Variants in KIRREL3 observed in about 807,000 individuals in gnomAD.
KIRREL3 encodes kin of IRRE-like protein 3.
KIRREL3 carries 36 observed loss-of-function variants against 89.7 expected under a neutral mutation model. That is an observed-to-expected ratio of 0.40 (90% confidence interval 0.31 to 0.53). The LOEUF (loss-of-function observed/expected upper bound fraction) is 0.53. Among genes scored for constraint, KIRREL3 ranks in the 20% least tolerant of loss-of-function variants. KIRREL3 has a pLI of 0.49. For synonymous variants in KIRREL3, 445 were observed against 441.4 expected (o/e 1.01, Z -0.10); for missense variants, 864 against 1,056.6 (o/e 0.82, Z 2.53).
In KIRREL3 at chr11:126,474,905, G is replaced by A. The variant is rs1957022381; in HGVS notation, c.434-1439C>T. The stretch of plus-strand genomic sequence containing the variant: ...TTCCCATGCTTGTGCTTGGGGACAC[G>A]TTGAGAGTCTCAGGCCTCTGCTGCT... On this transcript the variant is annotated intron_variant, in intron 4 of 16. Transcript: ENST00000525144. This position sits in a 1 kb window ranked among gnomAD's most constrained non-coding sequence, Gnocchi z 6.7. Among the ~76,000 whole-genome samples, 1 of 152,164 alleles carries A rather than the reference G, an allele frequency of 6.6e-6. No homozygotes were observed. Among genetic ancestry groups the A allele is most frequent in the Admixed American group, 6.5e-5 (1 of 15,290 alleles).
rs988028254 is a variant in KIRREL3 at position 126,742,031 on chromosome 11, C to T, written c.56-179119G>A. On this transcript the variant is annotated intron_variant, in intron 1 of 16. Coordinates refer to ENST00000525144, the MANE Select transcript of KIRREL3 (RefSeq NM_032531.4). The surrounding 1 kb of genome is among the most constrained non-coding windows in gnomAD (Gnocchi z 5.3). The stretch of plus-strand genomic sequence containing the variant: ...GGAGGTTGAATGGAGGACGCTTGTG[C>T]TAAGAAGGGAGAACTATTTAGAACA... 1.3e-5 allele frequency among the ~76,000 whole-genome samples: 2 copies of T among 152,162 alleles called. No individual in the cohort carries two copies. Among genetic ancestry groups the T allele is most frequent in the Non-Finnish European group, 2.9e-5 (2 of 68,036 alleles).
intron 1 of KIRREL3, among the ~76,000 whole-genome samples, chr11:126,975,260 C>G (rs942095426): frequency 2.0e-5 from 3 of 152,184 alleles, no homozygotes; most frequent in Admixed American, 6.5e-5. Flanking sequence ...AGGCTTTCTT[C>G]CAATTCAGCA....
chr11:126,526,678 T>C lies in KIRREL3; in HGVS notation c.143A>G (p.Tyr48Cys). ...GTCCTGGGGCTGCTGGCTGAAGGAA[T>C]AGACTTGGCCTGGGAAGGAGACAAA... ...KFRRMNEGQVYSFSQQPQDQV... is the reference protein window; with the variant it reads ...KFRRMNEGQVCSFSQQPQDQV... Residue 48 changes from tyrosine (Y) to cysteine (C), a missense_variant, in exon 3 of 17, where the codon TAT becomes TGT. Physicochemically the swap from Tyr to Cys is radical, Grantham distance 194. Coordinates refer to ENST00000525144, the MANE Select transcript of KIRREL3 (RefSeq NM_032531.4). The surrounding 1 kb of genome is among the most constrained non-coding windows in gnomAD (Gnocchi z 5.7). 1 of 1,564,542 alleles carries C rather than the reference T, an allele frequency of 6.4e-7. No homozygotes were observed. Among genetic ancestry groups the C allele is most frequent in the Non-Finnish European group, 8.7e-7 (1 of 1,154,334 alleles).
At position 126,521,481 on chromosome 11, in the gene KIRREL3, C is replaced by A. The variant is rs746491712; in HGVS notation, c.284-17G>T. The A allele has an allele frequency of 6.4e-7, 1 of 1,574,726 alleles. No homozygotes were observed. Among genetic ancestry groups the A allele is most frequent in the Non-Finnish European group, 8.6e-7 (1 of 1,160,420 alleles). ...GTGGGTAACCTGTGGAGACAACAGG[C>A]AGGTCAGGGAGCTGGGGTGGGGTGG... On this transcript the variant is annotated splice_polypyrimidine_tract_variant and intron_variant, in intron 3 of 16. Transcript: ENST00000525144. The surrounding 1 kb of genome is among the most constrained non-coding windows in gnomAD (Gnocchi z 4.1).
intron 7 of KIRREL3, among the ~76,000 whole-genome samples, chr11:126,451,618 A>G (rs1415510900): frequency 7.4e-6 from 1 of 135,648 alleles, no homozygotes. Flanking sequence ...GCATGTGTGC[A>G]TGTGTGTCCA....
At chr11:126,442,313 A>AACACACACACAC (rs71984147) in intron 10 of KIRREL3, among the ~76,000 whole-genome samples, 2 of 136,550 alleles carry the variant, frequency 1.5e-5, no homozygotes, top group Admixed American at 7.7e-5. Context: ...AGACACACAA[A>AACACACACACAC]ACACACACAC....
rs561158613 is a variant in KIRREL3, at chr11:126,805,303, C to A, written c.55+195152G>T. Among the ~76,000 whole-genome samples the A allele has an allele frequency of 1.3e-5, 2 of 152,246 alleles. No homozygotes were observed. The highest frequency in any genetic ancestry group is 2.1e-4 in the South Asian group (1 of 4,814). On this transcript the variant is annotated intron_variant, in intron 1 of 16. Transcript: ENST00000525144. This position sits in a 1 kb window ranked among gnomAD's most constrained non-coding sequence, Gnocchi z 4.3. ...ATACTGAAGGTCAGGAGAAGGGCTG[C>A]CATTCATCAGTCAGCATTGATATGG...
chr11:126,498,178 C>G lies in KIRREL3; in HGVS notation c.433+23137G>C, dbSNP rs1189232354. 6.6e-6 allele frequency among the ~76,000 whole-genome samples: 1 copy of G among 152,176 alleles called. No individual in the cohort carries two copies. Among genetic ancestry groups the G allele is most frequent in the Admixed American group, 6.5e-5 (1 of 15,286 alleles). On this transcript the variant is annotated intron_variant, in intron 4 of 16. Transcript: ENST00000525144. This position sits in a 1 kb window ranked among gnomAD's most constrained non-coding sequence, Gnocchi z 4.3. ...TGAAAGGGGGCAGAGTTGGGGTGGC[C>G]ATCAAACCCCTAAAACCCGAGGAGG...
chr11:126,707,435 T>C lies in KIRREL3; in HGVS notation c.56-144523A>G, dbSNP rs546024690. ...ATGTCTAGCTAGTTCCCCATAGCTT[T>C]CATTGATCATTGATTTATCCCCCAC... On this transcript the variant is annotated intron_variant, in intron 1 of 16. Transcript: ENST00000525144. Among the ~76,000 whole-genome samples the C allele has an allele frequency of 7.1e-3, 1,075 of 152,324 alleles. 5 individuals carry two copies. The highest frequency in any genetic ancestry group is 0.012 in the Non-Finnish European group (809 of 68,022).
intron 1 of KIRREL3, among the ~76,000 whole-genome samples, chr11:126,659,337 C>G (rs1945291070): frequency 6.6e-6 from 1 of 152,170 alleles, no homozygotes; most frequent in South Asian, 2.1e-4. Context: ...TCATATTGAA[C>G]ACTTATCATA....
At chr11:126,733,322 G>T (rs553293074) in intron 1 of KIRREL3, among the ~76,000 whole-genome samples, 7 of 152,252 alleles carry the variant, frequency 4.6e-5, no homozygotes, top group Non-Finnish European at 1.5e-5. Flanking sequence ...TCTCCGAATG[G>T]CTTCTCATCC....
intron 1 of KIRREL3, among the ~76,000 whole-genome samples, chr11:126,798,580 T>G (rs1435866335): frequency 6.6e-6 from 1 of 152,234 alleles, no homozygotes; most frequent in Non-Finnish European, 1.5e-5. Flanking sequence ...ACATTTAGCC[T>G]GGAGCTCAGT....
intron 1 of KIRREL3, among the ~76,000 whole-genome samples, chr11:126,923,176 C>CTTCTTCTCCTCT (rs766266024): frequency 5.6e-5 from 1 of 17,988 alleles, no homozygotes; most frequent in African/African-American, 2.3e-4. Flanking sequence ...TCTTCTTCTT[C>CTTCTTCTCCTCT]TCTTCTTCTT....
intron 1 of KIRREL3, among the ~76,000 whole-genome samples, chr11:126,930,375 C>T (rs1947900126): frequency 6.6e-6 from 1 of 152,168 alleles, no homozygotes; most frequent in Non-Finnish European, 1.5e-5. Context: ...TCACCCTTGC[C>T]TGTTGTGCCT....
At position 126,640,871 on chromosome 11, in the gene KIRREL3, A is replaced by C. The variant is rs1400837838; in HGVS notation, c.56-77959T>G. Among the ~76,000 whole-genome samples the C allele has an allele frequency of 6.6e-6, 1 of 151,764 alleles. No homozygotes were observed. The highest frequency in any genetic ancestry group is 1.5e-5 in the Non-Finnish European group (1 of 67,962). On this transcript the variant is annotated intron_variant, in intron 1 of 16. Coordinates refer to ENST00000525144, the MANE Select transcript of KIRREL3 (RefSeq NM_032531.4). This position sits in a 1 kb window ranked among gnomAD's most constrained non-coding sequence, Gnocchi z 4.9. The stretch of plus-strand genomic sequence containing the variant: ...TTGACCTTCATATTGGAGTCCTTGG[A>C]TCTCTTCTCAATCTTATGGCTTTAA...
rs1460899358 is a variant in KIRREL3 at position 126,427,960 on chromosome 11, A to G, written c.1806+1219T>C. Among the ~76,000 whole-genome samples, 2 of 152,162 alleles carry G rather than the reference A, an allele frequency of 1.3e-5. No homozygotes were observed. Among genetic ancestry groups the G allele is most frequent in the South Asian group, 2.1e-4 (1 of 4,830 alleles). ...TGGAATTGACAGGACCTGAAAATCA[A>G]TTGGAGAGAGAAAGCGTAGCCGAGG... is the stretch of plus-strand genomic sequence containing the variant. On this transcript the variant is annotated intron_variant, in intron 15 of 16. Transcript: ENST00000525144. This position sits in a 1 kb window ranked among gnomAD's most constrained non-coding sequence, Gnocchi z 5.3.
intron 1 of KIRREL3, among the ~76,000 whole-genome samples, chr11:126,874,895 G>A (rs913051692): frequency 6.6e-6 from 1 of 152,140 alleles, no homozygotes; most frequent in Non-Finnish European, 1.5e-5. Context: ...GCCTAGAGAG[G>A]TGGAGACCTG....
chr11:126,972,189 A>AGAGAGAGAGAGAGAGG (rs1949443580), intron 1 of KIRREL3, among the ~76,000 whole-genome samples: 1 of 151,730 alleles, frequency 6.6e-6, no homozygotes, highest in Non-Finnish European at 1.5e-5. Flanking sequence ...AGAGAGAGAG[A>AGAGAGAGAGAGAGAGG]GAGAGAGAGA....
rs910410920 is a variant in KIRREL3, at chr11:126,898,866, A to G, written c.55+101589T>C. 1.3e-5 allele frequency among the ~76,000 whole-genome samples: 2 copies of G among 152,176 alleles called. No homozygotes were observed. The highest frequency in any genetic ancestry group is 2.9e-5 in the Non-Finnish European group (2 of 68,040). On this transcript the variant is annotated intron_variant, in intron 1 of 16. Coordinates refer to ENST00000525144, the MANE Select transcript of KIRREL3 (RefSeq NM_032531.4). The surrounding 1 kb of genome is among the most constrained non-coding windows in gnomAD (Gnocchi z 4.9). ...TAAAAAATAGCACATAACTTAGAAC[A>G]TGGAATAAATGCCAACTTAAGTGGT...
Sources: gnomAD v4.1 joint callset for allele counts (sites outside exome capture counted in the v4.1 genomes callset) on GRCh38, gnomAD v4.1.1 for gene constraint, Gnocchi (gnomAD v3.1) non-coding constraint, MANE v1.5 for transcripts, NCBI Gene and HGNC (gene_info 2026-07-23, HGNC 2026-07-21) for gene names.